GNB1: variants seen among roughly 807,000 people sequenced by gnomAD.
The protein encoded by GNB1 is guanine nucleotide-binding protein G(I)/G(S)/G(T) subunit beta-1.
GNB1 carries 2 observed loss-of-function variants against 42.9 expected under a neutral mutation model. That is an observed-to-expected ratio of 0.05 (90% CI 0.02 to 0.15). The LOEUF (loss-of-function observed/expected upper bound fraction) is 0.15. Among genes scored for constraint, GNB1 ranks in the 10% least tolerant of loss-of-function variants. GNB1 has a pLI of 1.00. For missense variants in GNB1, 193 were observed against 462.2 expected (o/e 0.42, Z 5.34); for synonymous variants, 183 against 174.7 (o/e 1.05, Z -0.38).
intron 5 of GNB1, among the ~76,000 whole-genome samples, chr1:1,814,699 G>C (rs1646826402): frequency 6.6e-6 from 1 of 151,596 alleles, no homozygotes; most frequent in African/African-American, 2.4e-5. Flanking sequence ...CCACTTGGGA[G>C]GCTGAGTAGG....
chr1:1,877,308 A>AT (rs1649599179), intron 1 of GNB1, among the ~76,000 whole-genome samples: 2 of 142,814 alleles, frequency 1.4e-5, no homozygotes, highest in African/African-American at 5.1e-5. Context: ...CAAAAAAAAA[A>AT]AAAAAAAAAT....
intron 1 of GNB1, among the ~76,000 whole-genome samples, chr1:1,889,924 G>C (rs1427962529): frequency 6.7e-6 from 1 of 148,508 alleles, no homozygotes; most frequent in Non-Finnish European, 1.5e-5. Context: ...GCAAGAGGAA[G>C]ACACCCAGCC....
At chr1:1,803,354 T>C (rs1382008386) in intron 7 of GNB1, among the ~76,000 whole-genome samples, 1 of 152,162 alleles carries the variant, frequency 6.6e-6, no homozygotes, top group African/African-American at 2.4e-5. Flanking sequence ...TGGAGTGCAG[T>C]GGTGCAATCA....
At chr1:1,836,496 A>C (rs531496221) in intron 2 of GNB1, among the ~76,000 whole-genome samples, 10 of 144,542 alleles carry the variant, frequency 6.9e-5, no homozygotes, top group Non-Finnish European at 1.3e-4. Context: ...GGCTCAAGTG[A>C]TTCTCCCACC....
chr1:1,787,758 G>A lies in GNB1; in HGVS notation c.917-321C>T, dbSNP rs961883207. The stretch of plus-strand genomic sequence containing the variant: ...AAAAAAATCAAAACTATCATCAGAC[G>A]CAGTGGCTTAGGCCTGTAATCCCAG... On this transcript the variant is annotated intron_variant, in intron 10 of 11. Transcript: ENST00000378609. This position sits in a 1 kb window ranked among gnomAD's most constrained non-coding sequence, Gnocchi z 4.4. 2.0e-5 allele frequency among the ~76,000 whole-genome samples: 3 copies of A among 152,118 alleles called. No homozygotes were observed. Among genetic ancestry groups the A allele is most frequent in the Non-Finnish European group, 4.4e-5 (3 of 68,014 alleles).
intron 5 of GNB1, among the ~76,000 whole-genome samples, chr1:1,811,906 A>G (rs2100803839): frequency 6.7e-6 from 1 of 150,020 alleles, no homozygotes; most frequent in Non-Finnish European, 1.5e-5. Context: ...TCTACTAAAA[A>G]TACAAAAAAA....
At chr1:1,866,918 C>T (rs1214423247) in intron 1 of GNB1, among the ~76,000 whole-genome samples, 1 of 151,734 alleles carries the variant, frequency 6.6e-6, no homozygotes, top group Non-Finnish European at 1.5e-5. Context: ...CGCGCCACTG[C>T]ACTCCAACCT....
chr1:1,843,719 C>T (rs139682004), intron 1 of GNB1, among the ~76,000 whole-genome samples: 4 of 152,284 alleles, frequency 2.6e-5, no homozygotes, highest in African/African-American at 9.6e-5. Flanking sequence ...GAACCCCACA[C>T]TAAGGACAGG....
At position 1,787,830 on chromosome 1, in the gene GNB1, G is replaced by T. The variant is rs1646426818; in HGVS notation, c.917-393C>A. 6.6e-6 allele frequency among the ~76,000 whole-genome samples: 1 copy of T among 152,106 alleles called. No individual in the cohort carries two copies. Among genetic ancestry groups the T allele is most frequent in the Non-Finnish European group, 1.5e-5 (1 of 68,030 alleles). Reference sequence around the variant, plus strand: ...GCAGATCATGAGGTCAGGACTTTGAGACCAGCCTGGCCAATATGGTGAAAC... The same window carrying T: ...GCAGATCATGAGGTCAGGACTTTGATACCAGCCTGGCCAATATGGTGAAAC... On this transcript the variant is annotated intron_variant, in intron 10 of 11. Coordinates refer to ENST00000378609, the MANE Select transcript of GNB1 (RefSeq NM_002074.5). This position sits in a 1 kb window ranked among gnomAD's most constrained non-coding sequence, Gnocchi z 4.4.
intron 9 of GNB1, among the ~76,000 whole-genome samples, 194 bp from the exon 10 acceptor site, chr1:1,789,463 C>A (rs915856901): frequency 2.6e-5 from 4 of 152,058 alleles, no homozygotes; most frequent in Non-Finnish European, 5.9e-5. Flanking sequence ...GAGGCTGACG[C>A]GGGTGGATCA....
intron 1 of GNB1, among the ~76,000 whole-genome samples, chr1:1,858,520 A>G (rs958290285): frequency 7.9e-5 from 12 of 152,068 alleles, no homozygotes; most frequent in African/African-American, 2.9e-4. Flanking sequence ...AAAGGGACAG[A>G]TCCCTCCTTC....
chr1:1,842,562 C>T (rs1647286937), intron 1 of GNB1, among the ~76,000 whole-genome samples: 1 of 152,136 alleles, frequency 6.6e-6, no homozygotes, highest in East Asian at 1.9e-4. Context: ...CATGAAATAT[C>T]CGGAACACAC....
At position 1,838,787 on chromosome 1, in the gene GNB1, C is replaced by T. The variant is rs530143094; in HGVS notation, c.-47+403G>A. Among the ~76,000 whole-genome samples the T allele has an allele frequency of 3.9e-5, 6 of 152,192 alleles. No homozygotes were observed. The South Asian group carries it at 8.3e-4, about 21-fold the overall frequency. On this transcript the variant is annotated intron_variant, in intron 2 of 11. Transcript: ENST00000378609. ...TAAGATCTGATTTGAAAAAAGGGCT[C>T]TCCTGCTTTCTAACGAAAAAAACTA...
At chr1:1,822,614 C>A (rs1392136286) in intron 3 of GNB1, among the ~76,000 whole-genome samples, 4 of 152,148 alleles carry the variant, frequency 2.6e-5, no homozygotes, top group Admixed American at 6.5e-5. Flanking sequence ...CGCGCCCGAC[C>A]TCTTTTTACA....
rs1462214370 is a variant in GNB1 at position 1,790,077 on chromosome 1, G to A, written c.699+318C>T. Among the ~76,000 whole-genome samples the A allele has an allele frequency of 6.6e-6, 1 of 152,184 alleles. No individual in the cohort carries two copies. Among genetic ancestry groups the A allele is most frequent in the Non-Finnish European group, 1.5e-5 (1 of 68,032 alleles). On this transcript the variant is annotated intron_variant, in intron 9 of 11. Transcript: ENST00000378609. This position sits in a 1 kb window ranked among gnomAD's most constrained non-coding sequence, Gnocchi z 5.4. ...AGGAGGGCAGGTTCCCTGGTTAGCT[G>A]TGCCCCTGACCAGTAAGGCTCTGTA...
intron 1 of GNB1, among the ~76,000 whole-genome samples, chr1:1,888,234 C>G (rs1450997676): frequency 6.6e-6 from 1 of 152,092 alleles, no homozygotes; most frequent in Non-Finnish European, 1.5e-5. Context: ...ACAGTTTCCT[C>G]TATAAGACTC....
chr1:1,789,589 G>A (rs1646453598), intron 9 of GNB1, among the ~76,000 whole-genome samples: 1 of 152,066 alleles, frequency 6.6e-6, no homozygotes, highest in South Asian at 2.1e-4. Flanking sequence ...CTACTCAAGA[G>A]GCTGAAGCAG....
chr1:1,810,596 C>A (rs1429124877), intron 5 of GNB1, among the ~76,000 whole-genome samples: 3 of 144,318 alleles, frequency 2.1e-5, no homozygotes, highest in East Asian at 4.2e-4. Flanking sequence ...AAACATATTA[C>A]AAATGTACAT....
chr1:1,877,314 A>AT (rs1370157251), intron 1 of GNB1, among the ~76,000 whole-genome samples: 14,372 of 129,360 alleles, frequency 0.11, 703 homozygotes, highest in Middle Eastern at 0.22. Flanking sequence ...AAAAAAAAAA[A>AT]AAATATATAT....
Sources: gnomAD v4.1 joint callset for allele counts (sites outside exome capture counted in the v4.1 genomes callset) on GRCh38, gnomAD v4.1.1 for gene constraint, Gnocchi (gnomAD v3.1) non-coding constraint, MANE v1.5 for transcripts, NCBI Gene and HGNC (gene_info 2026-07-23, HGNC 2026-07-21) for gene names.